The following TENM1 variants were observed in gnomAD, a reference collection of about 807,000 sequenced individuals.
TENM1 encodes teneurin-1.
In TENM1, 35 loss-of-function variants were observed where a neutral mutation model predicts 174.8. The observed-to-expected ratio is 0.20, with a 90% CI of 0.15 to 0.27. The LOEUF is 0.27. Among genes scored for constraint, TENM1 ranks in the 10% least tolerant of loss-of-function variants. The pLI is 1.00. For missense variants in TENM1, 1,633 were observed against 2,130.1 expected (o/e 0.77, Z 4.59); for synonymous variants, 781 against 798.7 (o/e 0.98, Z 0.37).
At chrX:124,478,855 A>G (rs747786762) in intron 22 of TENM1, among the ~76,000 whole-genome samples, 55 of 112,781 alleles carry the variant, frequency 4.9e-4, no homozygotes, top group Non-Finnish European at 8.1e-4. Context: ...CTTGAGAAAC[A>G]AAGAATCTGT....
chrX:124,399,871 C>T (rs191902002), intron 27 of TENM1, among the ~76,000 whole-genome samples: 184 of 111,616 alleles, frequency 1.6e-3, no homozygotes, highest in Non-Finnish European at 2.3e-3. Flanking sequence ...ACTCAGGAGA[C>T]TGAGGTGGGA....
chrX:125,147,151 CACATATAT>C, the TENM1 span, among the ~76,000 whole-genome samples: 1 of 95,458 alleles, frequency 1.0e-5, no homozygotes, highest in Non-Finnish European at 2.2e-5. Context: ...GTATATATAT[CACATATAT>C]GTGTGTATAT....
At chrX:125,038,087 C>G in the TENM1 span, among the ~76,000 whole-genome samples, 2 of 111,387 alleles carry the variant, frequency 1.8e-5, no homozygotes, top group African/African-American at 6.5e-5. Flanking sequence ...CTCACATTTT[C>G]TCTTTATCTC....
intron 4 of TENM1, among the ~76,000 whole-genome samples, chrX:124,729,258 G>C (rs1238745275): frequency 8.9e-6 from 1 of 112,098 alleles, no homozygotes; most frequent in Admixed American, 9.4e-5. Flanking sequence ...GCAGGTCTGT[G>C]CCAGGCTATT....
the TENM1 span, among the ~76,000 whole-genome samples, chrX:125,201,209 G>A: frequency 8.9e-6 from 1 of 111,932 alleles, no homozygotes; most frequent in Non-Finnish European, 1.9e-5. Context: ...TGACTATGAG[G>A]GAAACTATGA....
the TENM1 span, among the ~76,000 whole-genome samples, chrX:125,106,824 C>A: frequency 4.5e-5 from 5 of 112,058 alleles, no homozygotes; most frequent in Non-Finnish European, 9.4e-5. Flanking sequence ...ATCACTGAGG[C>A]CTTTCATTTC....
At chrX:124,434,567 T>C (rs765026537) in intron 23 of TENM1, among the ~76,000 whole-genome samples, 1 of 112,408 alleles carries the variant, frequency 8.9e-6, no homozygotes, top group Non-Finnish European at 1.9e-5. Context: ...GCATAATTGC[T>C]CTGAGTTTCC....
chrX:124,379,450 G>C (rs1437835196), exon 32 of TENM1: 2 of 112,341 alleles, frequency 1.8e-5, no homozygotes, highest in Non-Finnish European at 3.8e-5. Flanking sequence ...GGCAGCAACT[G>C]CTGTGATGTT....
At chrX:124,674,694 C>T (rs2052020233) in intron 5 of TENM1, among the ~76,000 whole-genome samples, 1 of 111,230 alleles carries the variant, frequency 9.0e-6, no homozygotes, top group African/African-American at 3.3e-5. Flanking sequence ...TTAGTGACAT[C>T]CTTGAGATTT....
chrX:124,785,431 C>G (rs772231435), intron 3 of TENM1, among the ~76,000 whole-genome samples: 1 of 111,871 alleles, frequency 8.9e-6, no homozygotes, highest in South Asian at 3.7e-4. Context: ...TAATGGACTA[C>G]TCAGAGTTTG....
intron 11 of TENM1, among the ~76,000 whole-genome samples, chrX:124,604,687 G>A (rs1286056781): frequency 9.0e-6 from 1 of 110,560 alleles, no homozygotes; most frequent in Non-Finnish European, 1.9e-5. Context: ...CAGGAATGTT[G>A]GAAATATAGT....
intron 1 of TENM1, among the ~76,000 whole-genome samples, chrX:124,934,455 T>C (rs1257741129): frequency 1.8e-5 from 2 of 112,588 alleles, no homozygotes; most frequent in Admixed American, 9.4e-5. Flanking sequence ...TGTCATGGCA[T>C]ACTCTGCCCT....
At chrX:124,962,547 C>T (rs1405666495) in intron 1 of TENM1, among the ~76,000 whole-genome samples, 2 of 112,110 alleles carry the variant, frequency 1.8e-5, no homozygotes, top group Non-Finnish European at 3.8e-5. Context: ...CATCCGGGCG[C>T]GGTGGCTCAT....
the TENM1 span, among the ~76,000 whole-genome samples, chrX:125,000,485 C>T: frequency 9.0e-6 from 1 of 111,336 alleles, no homozygotes; most frequent in East Asian, 2.8e-4. Context: ...TCCAGAATTC[C>T]TTTAGGAGGC....
At chrX:124,550,878 C>A (rs1237083506) in intron 14 of TENM1, among the ~76,000 whole-genome samples, 1 of 110,616 alleles carries the variant, frequency 9.0e-6, no homozygotes, top group Non-Finnish European at 1.9e-5. Context: ...CCTGCCTCAG[C>A]CTCCCGAGTA....
chrX:125,082,910 C>A, the TENM1 span, among the ~76,000 whole-genome samples: 2 of 111,426 alleles, frequency 1.8e-5, no homozygotes, highest in African/African-American at 3.2e-5. Context: ...TTACCTCAAA[C>A]ATCTCCTCTT....
intron 16 of TENM1, 93 bp from the exon 20 acceptor site, chrX:124,523,718 T>C (rs749004814): frequency 1.1e-6 from 1 of 900,577 alleles, no homozygotes; most frequent in African/African-American, 2.0e-5. Context: ...CTTTCCTTTT[T>C]GGGGGGACTC....
chrX:124,524,394 T>C (rs1192482273), intron 16 of TENM1, among the ~76,000 whole-genome samples: 1 of 112,204 alleles, frequency 8.9e-6, no homozygotes, highest in Non-Finnish European at 1.9e-5. Flanking sequence ...AAATATCTTG[T>C]TCAGGGTCAC....
the TENM1 span, among the ~76,000 whole-genome samples, chrX:124,977,991 A>T: frequency 0.059 from 5,613 of 94,388 alleles, 329 homozygotes; most frequent in Admixed American, 0.18. Flanking sequence ...AGAGAGAGAG[A>T]GAGAGAGAGA....
Sources: allele counts gnomAD v4.1 joint callset (sites outside exome capture counted in the v4.1 genomes callset), GRCh38; gene constraint gnomAD v4.1.1; transcripts MANE v1.5; gene names NCBI Gene and HGNC (gene_info 2026-07-23, HGNC 2026-07-21).